The following SLC16A12 variants were observed in gnomAD, a reference collection of about 807,000 sequenced individuals.
SLC16A12 encodes monocarboxylate transporter 12.
SLC16A12 carries 17 observed loss-of-function variants against 42.4 expected under a neutral mutation model. The observed-to-expected ratio is 0.40, with a 90% CI of 0.27 to 0.60. The LOEUF (loss-of-function observed/expected upper bound fraction) is 0.60, where lower values mean the gene tolerates loss of function less well. Among genes scored for constraint, SLC16A12 ranks in the 20% least tolerant of loss-of-function variants. The pLI is 0.42. For missense variants in SLC16A12, 544 were observed against 623.0 expected (o/e 0.87, Z 1.35); for synonymous variants, 224 against 229.4 (o/e 0.98, Z 0.21).
rs959403167 is a variant in SLC16A12, at chr10:89,529,399, T to G, written c.-47+5102A>C. On this transcript the variant is annotated intron_variant, in intron 2 of 7. Transcript: ENST00000371790. ...GTCTACAAATGATTTGGGTGATAAT[T>G]TTTAAGTATTGGTATAGTTAACACT... 5.3e-5 allele frequency among the ~76,000 whole-genome samples: 8 copies of G among 152,288 alleles called. 2 individuals carry two copies. The highest frequency in any genetic ancestry group is 5.2e-4 in the Admixed American group (8 of 15,302).
chr10:89,451,466 C>T (rs916362222), intron 3 of SLC16A12, among the ~76,000 whole-genome samples: 1 of 151,916 alleles, frequency 6.6e-6, no homozygotes, highest in African/African-American at 2.4e-5. Context: ...GGCTGGAGTG[C>T]AATGATGCAA....
At chr10:89,520,123 A>G (rs1843329209) in intron 2 of SLC16A12, among the ~76,000 whole-genome samples, 1 of 152,046 alleles carries the variant, frequency 6.6e-6, no homozygotes, top group South Asian at 2.1e-4. Context: ...AAAAAAAAAA[A>G]TCATACAAAG....
chr10:89,530,730 T>C (rs1403196318), intron 2 of SLC16A12, among the ~76,000 whole-genome samples: 1 of 152,110 alleles, frequency 6.6e-6, no homozygotes, highest in African/African-American at 2.4e-5. Flanking sequence ...GTGGTTTTCA[T>C]ATATTTACAA....
intron 2 of SLC16A12, among the ~76,000 whole-genome samples, chr10:89,488,043 G>A (rs973656745): frequency 7.0e-6 from 1 of 143,780 alleles, no homozygotes; most frequent in South Asian, 2.2e-4. Context: ...AAATATATAT[G>A]TGTATGTATA....
intron 3 of SLC16A12, among the ~76,000 whole-genome samples, chr10:89,446,994 G>T (rs1434749559): frequency 6.6e-6 from 1 of 152,036 alleles, no homozygotes; most frequent in Non-Finnish European, 1.5e-5. Flanking sequence ...AACCAACAAA[G>T]ATCAAAAGAG....
At chr10:89,499,096 A>G (rs542849523) in intron 2 of SLC16A12, among the ~76,000 whole-genome samples, 1 of 152,294 alleles carries the variant, frequency 6.6e-6, no homozygotes, top group South Asian at 2.1e-4. Context: ...AAATCACACT[A>G]GCTTGCCAGC....
Position 89,514,552 on chromosome 10 carries a change from C to G in SLC16A12, c.-47+19949G>C, listed in dbSNP as rs75393261. ...CTTGCTTACATGGCCCTTCTCAGAG[C>G]ATGTATGGGGAGAGACAGATTTTTC... On this transcript the variant is annotated intron_variant, in intron 2 of 7. Transcript: ENST00000371790. Among the ~76,000 whole-genome samples, 1,510 of 152,250 alleles carry G rather than the reference C, an allele frequency of 9.9e-3. 25 individuals are homozygous for G. Among genetic ancestry groups the G allele is most frequent in the African/African-American group, 0.035 (1,458 of 41,538 alleles).
intron 2 of SLC16A12, among the ~76,000 whole-genome samples, chr10:89,491,872 G>A (rs75615504): frequency 0.021 from 3,189 of 152,158 alleles, 83 homozygotes; most frequent in African/African-American, 0.038. Flanking sequence ...AAATAAAGCT[G>A]CAGTTTTACT....
intron 3 of SLC16A12, among the ~76,000 whole-genome samples, chr10:89,449,161 A>T (rs10887962): frequency 0.35 from 53,791 of 152,038 alleles, 9,819 homozygotes; most frequent in African/African-American, 0.41. Flanking sequence ...AGAATCAATA[A>T]CTTGAAAATG....
intron 2 of SLC16A12, among the ~76,000 whole-genome samples, chr10:89,466,760 A>G (rs1842406773): frequency 6.6e-6 from 1 of 151,906 alleles, no homozygotes; most frequent in Non-Finnish European, 1.5e-5. Flanking sequence ...TATCCCTGAT[A>G]GAGTACCCTG....
intron 2 of SLC16A12, among the ~76,000 whole-genome samples, chr10:89,492,144 T>C (rs11185729): frequency 0.11 from 16,556 of 152,252 alleles, 982 homozygotes; most frequent in South Asian, 0.19. Context: ...TTGTTTATGA[T>C]GTCATTTGTT....
At chr10:89,525,203 A>G (rs192916924) in intron 2 of SLC16A12, among the ~76,000 whole-genome samples, 2 of 148,462 alleles carry the variant, frequency 1.3e-5, no homozygotes, top group East Asian at 4.1e-4. Flanking sequence ...CCTGGACGAC[A>G]GAACGAGACA....
chr10:89,446,163 A>C (rs536263767), intron 3 of SLC16A12, among the ~76,000 whole-genome samples: 36 of 152,356 alleles, frequency 2.4e-4, no homozygotes, highest in African/African-American at 8.2e-4. Flanking sequence ...GGAGAATGGA[A>C]CCAAGCTGGA....
chr10:89,555,723 C>A, intron 2 of SLC16A12, among the ~76,000 whole-genome samples: 1 of 137,080 alleles, frequency 7.3e-6, no homozygotes, highest in African/African-American at 2.8e-5. Context: ...ATATATATTC[C>A]ATGCAGTAGG....
chr10:89,438,997 C>T lies in SLC16A12; in HGVS notation c.635G>A (p.Gly212Asp), dbSNP rs1485859709. The change falls in exon 6 of 8, where the codon GGC (glycine) becomes GAC (aspartate). Residue 212 changes from glycine to aspartate, a missense_variant. Gly to Asp is a moderately conservative substitution (Grantham distance 94). Coordinates refer to ENST00000371790, the MANE Select transcript of SLC16A12 (RefSeq NM_213606.4). ...ACATACACAGAGATTCAAGACAAAG[C>T]CCCCAAGAATGAGTAAGGCTCCCCG... ...SWRGALLILGGFVLNLCVCGA... is the reference protein window; with the variant it reads ...SWRGALLILGDFVLNLCVCGA... 2 of 1,614,134 alleles carry T rather than the reference C, an allele frequency of 1.2e-6. No homozygotes were observed. Among genetic ancestry groups the T allele is most frequent in the Non-Finnish European group, 1.7e-6 (2 of 1,180,034 alleles).
intron 4 of SLC16A12, among the ~76,000 whole-genome samples, chr10:89,442,777 T>G (rs1034788378): frequency 6.6e-6 from 1 of 152,186 alleles, no homozygotes; most frequent in Non-Finnish European, 1.5e-5. Flanking sequence ...ATTTAACTGA[T>G]TCATGAGTAA....
intron 2 of SLC16A12, among the ~76,000 whole-genome samples, chr10:89,489,278 G>A (rs1456569469): frequency 6.6e-6 from 1 of 152,062 alleles, no homozygotes; most frequent in Non-Finnish European, 1.5e-5. Context: ...CTTGGAGATT[G>A]GCCACTGCTG....
At chr10:89,503,224 C>G (rs1843013562) in intron 2 of SLC16A12, among the ~76,000 whole-genome samples, 1 of 152,186 alleles carries the variant, frequency 6.6e-6, no homozygotes, top group African/African-American at 2.4e-5. Flanking sequence ...TTTTCTTTTA[C>G]ATTAAATATG....
At chr10:89,484,353 C>T (rs1235762252) in intron 2 of SLC16A12, among the ~76,000 whole-genome samples, 2 of 152,132 alleles carry the variant, frequency 1.3e-5, no homozygotes, top group Non-Finnish European at 2.9e-5. Flanking sequence ...ACCAGATACT[C>T]CCTCAGATCC....
Sources: allele counts gnomAD v4.1 joint callset (sites outside exome capture counted in the v4.1 genomes callset), GRCh38; gene constraint gnomAD v4.1.1; transcripts MANE v1.5; gene names NCBI Gene and HGNC (gene_info 2026-07-23, HGNC 2026-07-21).